The following ZNF804A variants were observed in gnomAD, a reference collection of about 807,000 sequenced individuals.
ZNF804A encodes zinc finger protein 804A.
ZNF804A carries 2 observed loss-of-function variants against 16.5 expected under a neutral mutation model. That is an observed-to-expected ratio of 0.12 (90% CI 0.05 to 0.38). The LOEUF (loss-of-function observed/expected upper bound fraction) is 0.38. Ranked by LOEUF, ZNF804A falls within the 10% of genes least tolerant of loss-of-function variation. The pLI is 0.99. For synonymous variants in ZNF804A, 534 were observed against 489.6 expected (o/e 1.09, Z -1.20); for missense variants, 1,473 against 1,390.7 (o/e 1.06, Z -0.94).
intron 1 of ZNF804A, among the ~76,000 whole-genome samples, chr2:184,640,827 G>C (rs941000368): frequency 6.6e-6 from 1 of 152,128 alleles, no homozygotes; most frequent in Non-Finnish European, 1.5e-5. Flanking sequence ...CTCCCGTCTT[G>C]ATAATGAACA....
chr2:184,935,843 T>G lies in ZNF804A; in HGVS notation c.447T>G (p.Asn149Lys). ...CTGTTACTGTGAGAGAAAACTGTAATGAAATTTCCCAACGAGTTGTTGTGG... is the reference window on the plus strand; with the variant it reads ...CTGTTACTGTGAGAGAAAACTGTAAGGAAATTTCCCAACGAGTTGTTGTGG... ...STTVTVRENC[N>K]EISQRVVVDS... Residue 149 changes from asparagine (N) to lysine (K), a missense_variant, in exon 4 of 4, where the codon AAT (asparagine) becomes AAG (lysine). Physicochemically the swap from Asn to Lys is moderately conservative, Grantham distance 94. Transcript: ENST00000302277. 6.2e-7 allele frequency: 1 copy of G among 1,613,660 alleles called. No individual in the cohort carries two copies. The highest frequency in any genetic ancestry group is 8.5e-7 in the Non-Finnish European group (1 of 1,179,798).
intron 2 of ZNF804A, among the ~76,000 whole-genome samples, chr2:184,928,140 A>C (rs915189188): frequency 2.0e-5 from 3 of 152,086 alleles, no homozygotes; most frequent in African/African-American, 7.2e-5. Context: ...ACGAAGTACT[A>C]CCTGGGTATT....
intron 1 of ZNF804A, among the ~76,000 whole-genome samples, chr2:184,850,260 A>T (rs1290593456): frequency 6.6e-6 from 1 of 151,936 alleles, no homozygotes; most frequent in Admixed American, 6.6e-5. Context: ...TGAATGCTTG[A>T]GGTGATGGAT....
chr2:184,727,108 T>C (rs1399080063), intron 1 of ZNF804A, among the ~76,000 whole-genome samples: 1 of 151,580 alleles, frequency 6.6e-6, no homozygotes, highest in African/African-American at 2.4e-5. Context: ...AACTTTATAT[T>C]TTTCAGAACA....
At chr2:184,841,687 T>C (rs1695438515) in intron 1 of ZNF804A, among the ~76,000 whole-genome samples, 1 of 152,202 alleles carries the variant, frequency 6.6e-6, no homozygotes, top group Non-Finnish European at 1.5e-5. Flanking sequence ...TATATTATCA[T>C]ATGCTTACAT....
intron 1 of ZNF804A, among the ~76,000 whole-genome samples, chr2:184,704,952 T>G (rs1451111009): frequency 6.6e-6 from 1 of 152,162 alleles, no homozygotes; most frequent in Admixed American, 6.5e-5. Context: ...TACAATTGGT[T>G]AAACAATTTG....
intron 1 of ZNF804A, among the ~76,000 whole-genome samples, chr2:184,700,335 C>A (rs1362399364): frequency 1.3e-5 from 2 of 152,044 alleles, no homozygotes; most frequent in Non-Finnish European, 2.9e-5. Flanking sequence ...ATTTCCCATA[C>A]TGTTTACTGA....
intron 1 of ZNF804A, among the ~76,000 whole-genome samples, chr2:184,788,765 T>C (rs1029078818): frequency 2.0e-5 from 3 of 152,046 alleles, no homozygotes; most frequent in Admixed American, 2.0e-4. Context: ...TATAAGATTA[T>C]GTAATCAGTG....
At chr2:184,775,977 A>AT (rs1694279798) in intron 1 of ZNF804A, among the ~76,000 whole-genome samples, 1 of 151,620 alleles carries the variant, frequency 6.6e-6, no homozygotes, top group Admixed American at 6.6e-5. Context: ...CATAACAGTC[A>AT]TTAATAGTGT....
At chr2:184,838,923 GAATGATAATACTTT>G (rs1695394560) in intron 1 of ZNF804A, among the ~76,000 whole-genome samples, 1 of 152,070 alleles carries the variant, frequency 6.6e-6, no homozygotes, top group Non-Finnish European at 1.5e-5. Flanking sequence ...TTAGAAAACT[GAATGATAATACTTT>G]ATCCATTGAT....
intron 2 of ZNF804A, among the ~76,000 whole-genome samples, chr2:184,893,354 G>A (rs1387514063): frequency 6.6e-6 from 1 of 151,892 alleles, no homozygotes; most frequent in Non-Finnish European, 1.5e-5. Flanking sequence ...TTAATGCTTA[G>A]ATCATTATAG....
chr2:184,690,827 C>T (rs1383144920), intron 1 of ZNF804A, among the ~76,000 whole-genome samples: 1 of 151,934 alleles, frequency 6.6e-6, no homozygotes, highest in Non-Finnish European at 1.5e-5. Flanking sequence ...CTCTTGTATT[C>T]TGTTTTGTAT....
At chr2:184,762,863 G>A (rs1198517728) in intron 1 of ZNF804A, among the ~76,000 whole-genome samples, 1 of 151,980 alleles carries the variant, frequency 6.6e-6, no homozygotes, top group Non-Finnish European at 1.5e-5. Context: ...ATTTAAAAGA[G>A]AATAATATAA....
intron 1 of ZNF804A, among the ~76,000 whole-genome samples, chr2:184,752,260 A>G (rs562162784): frequency 6.6e-6 from 1 of 151,882 alleles, no homozygotes; most frequent in South Asian, 2.1e-4. Flanking sequence ...CTGAATAAAG[A>G]TAATGTGGTA....
intron 1 of ZNF804A, among the ~76,000 whole-genome samples, chr2:184,628,917 C>T (rs1036729893): frequency 6.6e-6 from 1 of 152,050 alleles, no homozygotes; most frequent in Admixed American, 6.6e-5. Flanking sequence ...ACATTTTTTA[C>T]ACACTTATAT....
intron 1 of ZNF804A, among the ~76,000 whole-genome samples, chr2:184,683,812 A>G (rs1195473992): frequency 6.6e-6 from 1 of 152,168 alleles, no homozygotes; most frequent in Non-Finnish European, 1.5e-5. Flanking sequence ...ATAGCAAAAA[A>G]TTCAATTTAT....
In ZNF804A at chr2:184,598,920, T is replaced by A. The variant is rs1690998206; in HGVS notation, c.-40T>A. On this transcript the variant is annotated 5_prime_UTR_variant, in exon 1 of 4. Transcript: ENST00000302277. ...GCTGCGGCTGTGGGCGCGGGGTGCG[T>A]GGAAGCGGCGGCTGCGGCGGAGGAG... 1 of 1,421,618 alleles carries A rather than the reference T, an allele frequency of 7.0e-7. No homozygotes were observed. Among genetic ancestry groups the A allele is most frequent in the East Asian group, 2.7e-5 (1 of 37,402 alleles). 88.1% of individuals were successfully genotyped at this position (1,421,618 alleles called of 1,614,324 possible).
intron 1 of ZNF804A, among the ~76,000 whole-genome samples, chr2:184,695,607 G>T (rs1279089091): frequency 6.6e-6 from 1 of 151,570 alleles, no homozygotes; most frequent in Non-Finnish European, 1.5e-5. Flanking sequence ...TTGTAGAGAT[G>T]GGGTCTTGCC....
At chr2:184,659,925 G>A (rs1692142192) in intron 1 of ZNF804A, among the ~76,000 whole-genome samples, 1 of 152,144 alleles carries the variant, frequency 6.6e-6, no homozygotes, top group South Asian at 2.1e-4. Flanking sequence ...AGGGGGAAAT[G>A]TGTCAATTTC....
Sources: gnomAD v4.1 joint callset for allele counts (sites outside exome capture counted in the v4.1 genomes callset) on GRCh38, gnomAD v4.1.1 for gene constraint, MANE v1.5 for transcripts, NCBI Gene and HGNC (gene_info 2026-07-23, HGNC 2026-07-21) for gene names.